The following CDH18 variants were observed in gnomAD, a reference collection of about 807,000 sequenced individuals.
CDH18 encodes the protein cadherin 18, also known as cadherin-18.
Under a neutral mutation model 67.9 loss-of-function variants are expected in CDH18, and 31 were observed. That is an observed-to-expected ratio of 0.46 (90% CI 0.34 to 0.62). The LOEUF (loss-of-function observed/expected upper bound fraction) is 0.62. CDH18 is among the 20% of genes least tolerant of loss of function. The probability of loss-of-function intolerance (pLI) is 0.01; values close to 1 mark genes in which losing one functional copy is unlikely to be tolerated. For missense variants in CDH18, 890 were observed against 975.5 expected, an observed-to-expected ratio of 0.91 and a Z score of 1.17; for synonymous variants, 362 against 347.2, an observed-to-expected ratio of 1.04 and a Z score of -0.48.
intron 5 of CDH18, among the ~76,000 whole-genome samples, chr5:19,704,700 G>T (rs1275516130): frequency 6.6e-6 from 1 of 152,156 alleles, no homozygotes; most frequent in African/African-American, 2.4e-5. Flanking sequence ...ACTAAGTAAA[G>T]AGAAACTGGA....
intron 5 of CDH18, among the ~76,000 whole-genome samples, chr5:19,663,371 T>C (rs564835398): frequency 1.1e-3 from 160 of 152,044 alleles, no homozygotes; most frequent in Non-Finnish European, 1.9e-3. Flanking sequence ...TTATTCCTTC[T>C]GTTTTCAAGT....
At chr5:20,368,824 C>A (rs1742733920) in intron 1 of CDH18, among the ~76,000 whole-genome samples, 1 of 152,098 alleles carries the variant, frequency 6.6e-6, no homozygotes, top group South Asian at 2.1e-4. Context: ...AAATTCATTG[C>A]CCTCCATCTG....
chr5:19,495,217 G>A (rs2131581), intron 11 of CDH18, among the ~76,000 whole-genome samples: 44,984 of 151,928 alleles, frequency 0.3, 6,786 homozygotes, highest in South Asian at 0.38. Context: ...ATTTGAAAGA[G>A]CAAATATCTG....
intron 1 of CDH18, among the ~76,000 whole-genome samples, chr5:20,453,694 T>C (rs1750639840): frequency 6.6e-6 from 1 of 151,962 alleles, no homozygotes; most frequent in African/African-American, 2.4e-5. Flanking sequence ...TGTTAAGTTG[T>C]GTGGTTAGCA....
At chr5:20,179,902 A>G (rs1737548728) in intron 2 of CDH18, among the ~76,000 whole-genome samples, 1 of 152,096 alleles carries the variant, frequency 6.6e-6, no homozygotes, top group Non-Finnish European at 1.5e-5. Flanking sequence ...AAACAAATGT[A>G]GGAGCTGGCT....
At chr5:19,942,062 A>G (rs557358103) in intron 2 of CDH18, among the ~76,000 whole-genome samples, 5 of 152,270 alleles carry the variant, frequency 3.3e-5, no homozygotes, top group East Asian at 1.9e-4. Flanking sequence ...TCAGGAAAGC[A>G]GACTTCAAAA....
chr5:20,225,183 T>A (rs1741518437), intron 2 of CDH18, among the ~76,000 whole-genome samples: 1 of 152,138 alleles, frequency 6.6e-6, no homozygotes, highest in Non-Finnish European at 1.5e-5. Flanking sequence ...AGTCACTGTG[T>A]ACCTTATTTC....
At chr5:20,301,124 A>G (rs527431066) in intron 1 of CDH18, among the ~76,000 whole-genome samples, 2 of 152,278 alleles carry the variant, frequency 1.3e-5, no homozygotes, top group Admixed American at 1.3e-4. Context: ...TGGGAAGCAT[A>G]CACTTGCTTC....
chr5:19,593,999 C>G (rs1177629644), intron 6 of CDH18, among the ~76,000 whole-genome samples: 4 of 151,718 alleles, frequency 2.6e-5, no homozygotes, highest in Admixed American at 6.6e-5. Flanking sequence ...TAAAGCTTTA[C>G]CCCTATTTTT....
intron 2 of CDH18, among the ~76,000 whole-genome samples, chr5:20,229,364 C>T (rs561252469): frequency 6.6e-6 from 1 of 152,096 alleles, no homozygotes; most frequent in South Asian, 2.1e-4. Context: ...ATTGAATATT[C>T]TACATCCCCA....
At chr5:19,840,014 T>C (rs893881239) in intron 2 of CDH18, among the ~76,000 whole-genome samples, 25 of 151,284 alleles carry the variant, frequency 1.7e-4, no homozygotes, top group African/African-American at 6.1e-4. Flanking sequence ...ATCCCGGCAC[T>C]TTGGGAGGTC....
chr5:19,719,925 G>GA (rs547723157), intron 5 of CDH18, among the ~76,000 whole-genome samples: 1 of 147,040 alleles, frequency 6.8e-6, no homozygotes, highest in Non-Finnish European at 1.5e-5. Flanking sequence ...AAGAAAGAAA[G>GA]AAAGAAAGAA....
intron 12 of CDH18, among the ~76,000 whole-genome samples, chr5:19,474,908 T>G (rs1025155296): frequency 6.6e-6 from 1 of 152,052 alleles, no homozygotes; most frequent in Non-Finnish European, 1.5e-5. Flanking sequence ...TTTGATGAAA[T>G]TAAACTGTTA....
intron 2 of CDH18, among the ~76,000 whole-genome samples, chr5:20,200,800 G>A (rs553558328): frequency 9.2e-5 from 14 of 151,966 alleles, no homozygotes; most frequent in Admixed American, 1.3e-4. Context: ...ACAATCCCAC[G>A]ATATATAATT....
intron 6 of CDH18, among the ~76,000 whole-genome samples, chr5:19,597,987 G>A (rs912446994): frequency 1.3e-5 from 2 of 152,012 alleles, no homozygotes; most frequent in Non-Finnish European, 2.9e-5. Flanking sequence ...TTAATAATAT[G>A]CTACAAGTTA....
At chr5:19,902,935 CA>C (rs1383321936) in intron 2 of CDH18, among the ~76,000 whole-genome samples, 1 of 152,112 alleles carries the variant, frequency 6.6e-6, no homozygotes, top group African/African-American at 2.4e-5. Flanking sequence ...CCATAAGTGA[CA>C]TATAGAGTCT....
At position 19,472,607 on chromosome 5, in the gene CDH18, G is replaced by A. The variant is rs1737742086; in HGVS notation, c.*619C>T. ...AGTTGCATACATTATAGTGCAGGCA[G>A]CAAATCCCCATGCTCCATCAGTTTT... On this transcript the variant is annotated 3_prime_UTR_variant, in exon 13 of 13. Transcript: ENST00000382275. Among the ~76,000 whole-genome samples the A allele has an allele frequency of 6.6e-6, 1 of 152,076 alleles. No homozygotes were observed. Among genetic ancestry groups the A allele is most frequent in the Non-Finnish European group, 1.5e-5 (1 of 68,008 alleles).
chr5:20,122,517 G>T (rs895655036), intron 2 of CDH18, among the ~76,000 whole-genome samples: 1 of 152,068 alleles, frequency 6.6e-6, no homozygotes, highest in African/African-American at 2.4e-5. Context: ...TTGAGTTCCA[G>T]AAATGTGTTA....
chr5:19,969,325 C>A (rs1429399128), intron 2 of CDH18, among the ~76,000 whole-genome samples: 2 of 142,182 alleles, frequency 1.4e-5, no homozygotes, highest in Non-Finnish European at 3.0e-5. Context: ...ACCATTTGAC[C>A]CAGCCATCCC....
Sources: gnomAD v4.1 joint callset for allele counts (sites outside exome capture counted in the v4.1 genomes callset) on GRCh38, gnomAD v4.1.1 for gene constraint, MANE v1.5 for transcripts, NCBI Gene and HGNC (gene_info 2026-07-23, HGNC 2026-07-21) for gene names.